The following NPFFR2 variants were observed in gnomAD, a reference collection of about 807,000 sequenced individuals.
The protein encoded by NPFFR2 is G-protein coupled receptor 74.
In NPFFR2, 15 loss-of-function variants were observed where a neutral mutation model predicts 13.1. The ratio of observed to expected loss-of-function variants is 1.15; its 90% confidence interval spans 0.77 to 1.76. The LOEUF (loss-of-function observed/expected upper bound fraction) is 1.76. Ranked by LOEUF, NPFFR2 falls within the 40% of genes most tolerant of loss-of-function variation. The pLI is 0.00. For synonymous variants in NPFFR2, 190 were observed against 175.7 expected, an observed-to-expected ratio of 1.08 and a Z score of -0.65; for missense variants, 572 against 503.5, an observed-to-expected ratio of 1.14 and a Z score of -1.30.
At chr4:72,092,481 T>C (rs1201875006) in intron 1 of NPFFR2, among the ~76,000 whole-genome samples, 1 of 152,124 alleles carries the variant, frequency 6.6e-6, no homozygotes, top group East Asian at 1.9e-4. Context: ...TCTCATTTCT[T>C]AGGTTTAATA....
At chr4:72,113,032 A>G (rs1414004852) in intron 1 of NPFFR2, among the ~76,000 whole-genome samples, 1 of 152,026 alleles carries the variant, frequency 6.6e-6, no homozygotes, top group Non-Finnish European at 1.5e-5. Context: ...TTCTACTGGT[A>G]TTTTTATGTA....
intron 1 of NPFFR2, among the ~76,000 whole-genome samples, chr4:72,089,643 C>G (rs1483282645): frequency 6.6e-6 from 1 of 152,034 alleles, no homozygotes; most frequent in Non-Finnish European, 1.5e-5. Context: ...GTTGTCTATT[C>G]ATGTCCTTAG....
intron 1 of NPFFR2, among the ~76,000 whole-genome samples, chr4:72,033,278 T>G (rs1302666182): frequency 6.6e-6 from 1 of 152,208 alleles, no homozygotes; most frequent in Admixed American, 6.5e-5. Context: ...GCCATTATCA[T>G]CAACAGAATG....
chr4:72,050,342 T>A (rs1404693299), intron 1 of NPFFR2, among the ~76,000 whole-genome samples: 1 of 152,004 alleles, frequency 6.6e-6, no homozygotes, highest in Non-Finnish European at 1.5e-5. Context: ...ACCCTCTTCT[T>A]TGCCAAGGGC....
At chr4:72,093,616 T>G (rs1304508974) in intron 1 of NPFFR2, among the ~76,000 whole-genome samples, 13 of 144,688 alleles carry the variant, frequency 9.0e-5, no homozygotes. Context: ...ATTTGTTTGA[T>G]TCTATTGCTG....
Position 72,032,088 on chromosome 4 carries a change from T to C in NPFFR2, c.-120T>C. On this transcript the variant is annotated 5_prime_UTR_variant, in exon 1 of 4. Coordinates refer to ENST00000308744, the MANE Select transcript of NPFFR2 (RefSeq NM_004885.3). ...CGCGGGGGACAGACGTCGGCTGGGA[T>C]TGAGCCGGCAGACTGCGAAAAGTAG... The C allele has an allele frequency of 6.2e-7, 1 of 1,614,074 alleles. No individual in the cohort carries two copies. The highest frequency in any genetic ancestry group is 8.5e-7 in the Non-Finnish European group (1 of 1,179,972).
intron 1 of NPFFR2, among the ~76,000 whole-genome samples, chr4:72,119,050 GA>G (rs34129698): frequency 0.27 from 40,576 of 151,530 alleles, 6,051 homozygotes; most frequent in Middle Eastern, 0.38. Context: ...TTTTCCTTCA[GA>G]AAAAAAATAA....
At chr4:72,124,322 CA>C (rs369543750) in intron 1 of NPFFR2, among the ~76,000 whole-genome samples, 1 of 152,008 alleles carries the variant, frequency 6.6e-6, no homozygotes, top group African/African-American at 2.4e-5. Context: ...GCCTTCCTGA[CA>C]AAAGTATTTT....
At chr4:72,041,006 CTTATT>C (rs937672359) in intron 1 of NPFFR2, among the ~76,000 whole-genome samples, 6 of 150,998 alleles carry the variant, frequency 4.0e-5, no homozygotes, top group African/African-American at 1.5e-4. Context: ...AAATTTTTAA[CTTATT>C]TTATATTCAG....
chr4:72,064,320 A>T (rs957222798), intron 1 of NPFFR2, among the ~76,000 whole-genome samples: 4 of 152,124 alleles, frequency 2.6e-5, no homozygotes, highest in Non-Finnish European at 2.9e-5. Flanking sequence ...TGCAGGGAGG[A>T]TCCACTTCCA....
At chr4:72,134,381 T>C (rs972468569) in intron 2 of NPFFR2, among the ~76,000 whole-genome samples, 1 of 152,178 alleles carries the variant, frequency 6.6e-6, no homozygotes, top group African/African-American at 2.4e-5. Flanking sequence ...CTAAATAACA[T>C]GTTTTCAATA....
chr4:72,123,355 G>A (rs146738476), intron 1 of NPFFR2, among the ~76,000 whole-genome samples: 2,393 of 149,404 alleles, frequency 0.016, 68 homozygotes, highest in African/African-American at 0.055. Context: ...AGCTGGTACC[G>A]TTACTTCTGA....
intron 1 of NPFFR2, among the ~76,000 whole-genome samples, chr4:72,055,305 T>TAA (rs1719712812): frequency 6.6e-6 from 1 of 151,654 alleles, no homozygotes; most frequent in South Asian, 2.1e-4. Context: ...CTTGTGATAA[T>TAA]AAAAAAGTTT....
At chr4:72,052,814 C>G (rs1350691834) in intron 1 of NPFFR2, among the ~76,000 whole-genome samples, 7 of 151,958 alleles carry the variant, frequency 4.6e-5, no homozygotes, top group Non-Finnish European at 8.8e-5. Flanking sequence ...GAGGCTTCAT[C>G]TTCATGATAA....
intron 1 of NPFFR2, among the ~76,000 whole-genome samples, chr4:72,108,978 C>T (rs1721491743): frequency 6.6e-6 from 1 of 151,964 alleles, no homozygotes; most frequent in African/African-American, 2.4e-5. Context: ...GTCTAGTTTT[C>T]ACTTACTTAT....
chr4:72,089,691 T>C (rs1438019016), intron 1 of NPFFR2, among the ~76,000 whole-genome samples: 5 of 152,138 alleles, frequency 3.3e-5, no homozygotes, highest in Admixed American at 3.3e-4. Context: ...ACTGATTTGT[T>C]TGAGTTCCTT....
intron 1 of NPFFR2, among the ~76,000 whole-genome samples, chr4:72,056,497 A>C (rs1414487864): frequency 6.6e-6 from 1 of 152,042 alleles, no homozygotes; most frequent in Non-Finnish European, 1.5e-5. Flanking sequence ...TGTAGTTTTC[A>C]TGCCTGCTAA....
chr4:72,079,080 A>ACG (rs1266734329), intron 1 of NPFFR2, among the ~76,000 whole-genome samples: 1 of 145,768 alleles, frequency 6.9e-6, no homozygotes, highest in Non-Finnish European at 1.5e-5. Context: ...ACACACACAC[A>ACG]CACACACATC....
At chr4:72,132,931 C>G (rs1722298868) in intron 2 of NPFFR2, among the ~76,000 whole-genome samples, 1 of 152,138 alleles carries the variant, frequency 6.6e-6, no homozygotes, top group East Asian at 1.9e-4. Flanking sequence ...AAAATTTTCT[C>G]TCAGTATGTA....
Sources: allele counts gnomAD v4.1 joint callset (sites outside exome capture counted in the v4.1 genomes callset), GRCh38; gene constraint gnomAD v4.1.1; transcripts MANE v1.5; gene names NCBI Gene and HGNC (gene_info 2026-07-23, HGNC 2026-07-21).